DYRK1A: variants seen among roughly 807,000 people sequenced by gnomAD.
The protein encoded by DYRK1A is dual specificity tyrosine phosphorylation regulated kinase 1A.
DYRK1A carries 9 observed loss-of-function variants against 79.7 expected under a neutral mutation model. The ratio of observed to expected loss-of-function variants is 0.11; its 90% confidence interval spans 0.07 to 0.20. DYRK1A has a LOEUF of 0.20. DYRK1A is among the 10% of genes least tolerant of loss of function. The pLI is 1.00. For missense variants in DYRK1A, 622 were observed against 956.0 expected, an observed-to-expected ratio of 0.65 and a Z score of 4.61; for synonymous variants, 349 against 329.7, an observed-to-expected ratio of 1.06 and a Z score of -0.63.
chr21:37,501,415 G>C (rs888414851), intron 9 of DYRK1A: 1 of 152,012 alleles, frequency 6.6e-6, no homozygotes, highest in African/African-American at 2.4e-5. Flanking sequence ...TGACCCACCT[G>C]CCTTGTCCTC....
At chr21:37,366,393 G>C (rs1415536241), upstream of DYRK1A, among the ~76,000 whole-genome samples, 2 of 145,516 alleles carry the variant, frequency 1.4e-5, no homozygotes, top group Non-Finnish European at 3.1e-5. Flanking sequence ...TCCCCGGGCC[G>C]CAGTCGGCGC....
intron 9 of DYRK1A, among the ~76,000 whole-genome samples, chr21:37,499,316 A>G (rs2053368752): frequency 6.6e-6 from 1 of 152,168 alleles, no homozygotes; most frequent in Non-Finnish European, 1.5e-5. Context: ...GAAGGGGTTG[A>G]AGTTCATTTT....
intron 11 of DYRK1A, among the ~76,000 whole-genome samples, chr21:37,510,999 G>T (rs1014141607): frequency 6.6e-6 from 1 of 152,118 alleles, no homozygotes; most frequent in African/African-American, 2.4e-5. Context: ...TGGAACTGAA[G>T]CGATGAAAAA....
intron 11 of DYRK1A, among the ~76,000 whole-genome samples, chr21:37,509,951 G>A (rs2053704435): frequency 6.6e-6 from 1 of 152,072 alleles, no homozygotes; most frequent in Admixed American, 6.6e-5. Flanking sequence ...TCCCACCCTG[G>A]GCATGACTCA....
At chr21:37,368,975 C>T (rs189745811) in intron 1 of DYRK1A, among the ~76,000 whole-genome samples, 3 of 152,030 alleles carry the variant, frequency 2.0e-5, no homozygotes, top group African/African-American at 4.8e-5. Context: ...CTTTCCCCCC[C>T]CAAGAAAACT....
chr21:37,446,281 G>A (rs139064571), intron 2 of DYRK1A, among the ~76,000 whole-genome samples: 1 of 152,118 alleles, frequency 6.6e-6, no homozygotes, highest in Non-Finnish European at 1.5e-5. Context: ...CTCCTAAGAA[G>A]TATTAGCTCT....
chr21:37,516,137 A>G lies in DYRK1A; in HGVS notation c.*3606A>G, dbSNP rs2053878464. 6.6e-6 allele frequency: 1 copy of G among 152,234 alleles called. No homozygotes were observed. The highest frequency in any genetic ancestry group is 6.5e-5 in the Admixed American group (1 of 15,284). The allele number at this position is 152,234 out of a possible 1,614,324, so 9.4% of individuals were successfully genotyped here. On this transcript the variant is annotated 3_prime_UTR_variant, in exon 12 of 12. Transcript: ENST00000647188. ...CATTCTGGGTGGTATCCCCATAGAC[A>G]GAATACAAGTTCAAGACTCATTTTT...
chr21:37,403,648 A>AAT (rs1245905666), intron 1 of DYRK1A, among the ~76,000 whole-genome samples: 72 of 84,624 alleles, frequency 8.5e-4, no homozygotes, highest in South Asian at 4.0e-3. Flanking sequence ...AAAAAAAAAA[A>AAT]ATATATATAT....
In DYRK1A at chr21:37,518,444, T is replaced by C. The variant is rs1026493020; in HGVS notation, c.*5913T>C. 1 of 152,188 alleles carries C rather than the reference T, an allele frequency of 6.6e-6. No individual in the cohort carries two copies. The highest frequency in any genetic ancestry group is 1.5e-5 in the Non-Finnish European group (1 of 68,054). The allele number at this position is 152,188 out of a possible 1,614,324, so 9.4% of individuals were successfully genotyped here. On this transcript the variant is annotated 3_prime_UTR_variant, in exon 12 of 12. Transcript: ENST00000647188. Reference sequence around the variant, plus strand: ...TGCACACTAAACTCATCTGTAGAACTTTATAAAACCACGGATGACCATCAC... The same window carrying C: ...TGCACACTAAACTCATCTGTAGAACCTTATAAAACCACGGATGACCATCAC...
chr21:37,379,314 G>A (rs547860178), intron 1 of DYRK1A, among the ~76,000 whole-genome samples: 2 of 152,224 alleles, frequency 1.3e-5, no homozygotes, highest in African/African-American at 4.8e-5. Flanking sequence ...GAAGACAGAT[G>A]GGAAAACCTT....
At chr21:37,403,634 TAAAAAA>T (rs11349987) in intron 1 of DYRK1A, among the ~76,000 whole-genome samples, 2,022 of 119,478 alleles carry the variant, frequency 0.017, 29 homozygotes, top group African/African-American at 0.042. Context: ...CTCAGCTAAT[TAAAAAA>T]AAAAAAAAAT....
intron 2 of DYRK1A, among the ~76,000 whole-genome samples, chr21:37,427,208 C>T (rs978991041): frequency 6.6e-6 from 1 of 152,196 alleles, no homozygotes; most frequent in African/African-American, 2.4e-5. Flanking sequence ...AACTCCTGGG[C>T]TAAAGCTATC....
At chr21:37,460,421 G>A (rs1379501060) in intron 2 of DYRK1A, among the ~76,000 whole-genome samples, 2 of 152,130 alleles carry the variant, frequency 1.3e-5, no homozygotes, top group African/African-American at 2.4e-5. Context: ...TCTCAGAAAT[G>A]TTACTGCGCT....
chr21:37,426,945 A>G lies in DYRK1A; in HGVS notation c.10+6561A>G, dbSNP rs573901436. Among the ~76,000 whole-genome samples the G allele has an allele frequency of 6.6e-5, 10 of 151,732 alleles. 1 individual carries two copies. In the South Asian group the frequency reaches 1.9e-3, roughly 28 times the overall value. ...AAAAAAAAAAAAAAAAGAGATGAAT[A>G]ACCAAGAAGAAATGAAGAAAAATGA... On this transcript the variant is annotated intron_variant, in intron 2 of 11. Transcript: ENST00000647188.
At chr21:37,488,853 A>T (rs1363140136) in intron 6 of DYRK1A, 1 of 985,244 alleles carries the variant, frequency 1.0e-6, no homozygotes, top group Non-Finnish European at 1.2e-6. Context: ...TCCACAGACC[A>T]TGATTGTGAG....
At chr21:37,455,812 G>C (rs1048333141) in intron 2 of DYRK1A, among the ~76,000 whole-genome samples, 3 of 152,074 alleles carry the variant, frequency 2.0e-5, no homozygotes, top group African/African-American at 7.2e-5. Flanking sequence ...ACTCTTTACT[G>C]TTCTTAGTAC....
At chr21:37,479,552 A>AT (rs537740777) in intron 4 of DYRK1A, among the ~76,000 whole-genome samples, 2,814 of 71,202 alleles carry the variant, frequency 0.04, 32 homozygotes, top group Middle Eastern at 0.047. Context: ...TTCATCTAGT[A>AT]TTTTTTTTTT....
At chr21:37,420,405 C>G in intron 2 of DYRK1A, 21 bp downstream of exon 2, 4 of 1,602,810 alleles carry the variant, frequency 2.5e-6, no homozygotes, top group East Asian at 4.5e-5. Flanking sequence ...TTTTGAAATA[C>G]AGTAAAACTC....
At chr21:37,401,740 C>G (rs1055555432) in intron 1 of DYRK1A, among the ~76,000 whole-genome samples, 1 of 152,100 alleles carries the variant, frequency 6.6e-6, no homozygotes, top group African/African-American at 2.4e-5. Context: ...ACCTTAGCCT[C>G]CCAAAGCACT....
Sources: allele counts gnomAD v4.1 joint callset (sites outside exome capture counted in the v4.1 genomes callset), GRCh38; gene constraint gnomAD v4.1.1; transcripts MANE v1.5; gene names NCBI Gene and HGNC (gene_info 2026-07-23, HGNC 2026-07-21).